The following LAMA2 variants were observed in gnomAD, a reference collection of about 807,000 sequenced individuals.
LAMA2 encodes the protein laminin subunit alpha-2.
Under a neutral mutation model 364.8 loss-of-function variants are expected in LAMA2, and 269 were observed. That is an observed-to-expected ratio of 0.74 (90% CI 0.67 to 0.82). The LOEUF is 0.82. Ranked by LOEUF, LAMA2 falls within the 40% of genes least tolerant of loss-of-function variation. LAMA2 has a pLI of 0.00. For synonymous variants in LAMA2, 1,379 were observed against 1,370.6 expected (o/e 1.01, Z -0.14); for missense variants, 3,807 against 3,873.2 (o/e 0.98, Z 0.45).
chr6:129,414,163 A>G (rs1780674424), intron 40 of LAMA2, among the ~76,000 whole-genome samples: 4 of 152,132 alleles, frequency 2.6e-5, no homozygotes, highest in Admixed American at 1.3e-4. Context: ...AGCAAAATTT[A>G]CTCAAAAAGA....
chr6:128,963,536 C>T (rs1196389932), intron 1 of LAMA2, among the ~76,000 whole-genome samples: 1 of 150,114 alleles, frequency 6.7e-6, no homozygotes. Flanking sequence ...GAGTTGTTTA[C>T]TGTTGTAAAA....
chr6:129,058,795 T>C (rs1465292481), intron 2 of LAMA2, among the ~76,000 whole-genome samples: 1 of 152,198 alleles, frequency 6.6e-6, no homozygotes, highest in Non-Finnish European at 1.5e-5. Context: ...TTAACATGCA[T>C]AGCATGGAAG....
chr6:129,388,783 A>G (rs528892647), intron 35 of LAMA2, among the ~76,000 whole-genome samples: 3 of 152,322 alleles, frequency 2.0e-5, no homozygotes, highest in African/African-American at 2.4e-5. Context: ...TTCATTTTAA[A>G]AAGTGAGTAC....
intron 12 of LAMA2, among the ~76,000 whole-genome samples, chr6:129,200,414 A>T (rs1172069346): frequency 6.7e-6 from 1 of 149,742 alleles, no homozygotes; most frequent in African/African-American, 2.4e-5. Context: ...ACACATATAC[A>T]TATACGTGTA....
intron 40 of LAMA2, among the ~76,000 whole-genome samples, chr6:129,426,646 A>G (rs1489166453): frequency 6.6e-6 from 1 of 152,136 alleles, no homozygotes; most frequent in Non-Finnish European, 1.5e-5. Context: ...TTATTTATGT[A>G]GATGTTTCCA....
intron 37 of LAMA2, among the ~76,000 whole-genome samples, chr6:129,398,475 T>TC (rs549784743): frequency 4.2e-5 from 6 of 144,222 alleles, no homozygotes; most frequent in Non-Finnish European, 6.1e-5. Context: ...TTCTTTTCTT[T>TC]TTTTTTTTTT....
At chr6:129,085,940 G>A (rs1774356785) in intron 3 of LAMA2, among the ~76,000 whole-genome samples, 1 of 152,176 alleles carries the variant, frequency 6.6e-6, no homozygotes, top group Non-Finnish European at 1.5e-5. Flanking sequence ...ATAGTTAGAT[G>A]AGCATCATCT....
intron 41 of LAMA2, among the ~76,000 whole-genome samples, chr6:129,434,367 A>G (rs1781739224): frequency 6.6e-6 from 1 of 151,820 alleles, no homozygotes; most frequent in African/African-American, 2.4e-5. Context: ...TTTTTCTTCT[A>G]CTCTATGAGG....
At chr6:129,499,083 C>T (rs1022959353) in intron 58 of LAMA2, among the ~76,000 whole-genome samples, 3 of 152,128 alleles carry the variant, frequency 2.0e-5, no homozygotes, top group African/African-American at 7.2e-5. Context: ...AGACTCCCCA[C>T]CCAAGTCCTG....
chr6:129,497,404 A>G (rs1252560119), intron 58 of LAMA2, among the ~76,000 whole-genome samples: 1 of 151,914 alleles, frequency 6.6e-6, no homozygotes. Context: ...TGCCCGGCTA[A>G]TTTTTGTATT....
intron 3 of LAMA2, among the ~76,000 whole-genome samples, chr6:129,087,144 T>G (rs970827766): frequency 6.6e-6 from 1 of 152,182 alleles, no homozygotes; most frequent in Non-Finnish European, 1.5e-5. Context: ...AGGGTCATAT[T>G]CACAGGTTCC....
intron 40 of LAMA2, among the ~76,000 whole-genome samples, chr6:129,420,368 C>T (rs1335510256): frequency 6.6e-6 from 1 of 152,048 alleles, no homozygotes; most frequent in East Asian, 1.9e-4. Context: ...TTTACATAAA[C>T]ACATTGCAGC....
chr6:128,975,355 T>C (rs1210744733), intron 1 of LAMA2, among the ~76,000 whole-genome samples: 2 of 151,968 alleles, frequency 1.3e-5, no homozygotes, highest in African/African-American at 4.8e-5. Context: ...AAACTTGCAG[T>C]GGGGTTGGGA....
At chr6:128,957,969 G>A (rs1304609262) in intron 1 of LAMA2, among the ~76,000 whole-genome samples, 1 of 148,104 alleles carries the variant, frequency 6.8e-6, no homozygotes, top group Non-Finnish European at 1.5e-5. Flanking sequence ...AATCCTATTA[G>A]CCCATACAGG....
chr6:128,961,343 A>ATCTATC (rs1390942521), intron 1 of LAMA2, among the ~76,000 whole-genome samples: 2 of 63,104 alleles, frequency 3.2e-5, no homozygotes, highest in African/African-American at 1.1e-4. Flanking sequence ...ATATATATAT[A>ATCTATC]TATATATATA....
At position 129,376,876 on chromosome 6, in the gene LAMA2, A is replaced by G. The variant is rs555337782; in HGVS notation, c.4960-6246A>G. ...GACAAATAACTATATAGTCCACCAG[A>G]CTATAGACTCCAAATGGGCAAGAAA... On this transcript the variant is annotated intron_variant, in intron 34 of 64. Coordinates refer to ENST00000421865, the MANE Select transcript of LAMA2 (RefSeq NM_000426.4). Among the ~76,000 whole-genome samples, 10 of 152,262 alleles carry G rather than the reference A, an allele frequency of 6.6e-5. No homozygotes were observed. In the South Asian group the frequency reaches 2.1e-3, roughly 32 times the overall value.
intron 49 of LAMA2, among the ~76,000 whole-genome samples, chr6:129,460,696 C>G (rs1783207927): frequency 1.3e-5 from 2 of 151,794 alleles, no homozygotes; most frequent in South Asian, 4.2e-4. Context: ...AGAGAGCTTT[C>G]CCCAAACTGA....
intron 1 of LAMA2, among the ~76,000 whole-genome samples, chr6:128,979,288 T>G (rs1223311369): frequency 6.6e-6 from 1 of 152,210 alleles, no homozygotes; most frequent in Non-Finnish European, 1.5e-5. Context: ...ATCCTCATGT[T>G]GCTGCCTTAT....
At chr6:128,929,278 G>T in intron 1 of LAMA2, 1 of 1,337,524 alleles carries the variant, frequency 7.5e-7, no homozygotes, top group Non-Finnish European at 1.1e-6. Flanking sequence ...TCCCGTCATT[G>T]ATGCGGATCC....
Sources: allele counts gnomAD v4.1 joint callset (sites outside exome capture counted in the v4.1 genomes callset), GRCh38; gene constraint gnomAD v4.1.1; transcripts MANE v1.5; gene names NCBI Gene and HGNC (gene_info 2026-07-23, HGNC 2026-07-21).